Variants in SLC7A7 observed in about 807,000 individuals in gnomAD.
The protein encoded by SLC7A7 is solute carrier family 7 member 7.
SLC7A7 carries 39 observed loss-of-function variants against 47.9 expected under a neutral mutation model. That is an observed-to-expected ratio of 0.81 (90% CI 0.63 to 1.06). SLC7A7 has a LOEUF of 1.06. Ranked by LOEUF, SLC7A7 falls within the 50% of genes least tolerant of loss-of-function variation. The probability of loss-of-function intolerance (pLI) is 0.00; values close to 1 mark genes in which losing one functional copy is unlikely to be tolerated. For synonymous variants in SLC7A7, 234 were observed against 242.8 expected (o/e 0.96, Z 0.34); for missense variants, 588 against 632.0 (o/e 0.93, Z 0.75).
Position 22,773,480 on chromosome 14 carries a change from A to T in SLC7A7, c.*130T>A. On this transcript the variant is annotated 3_prime_UTR_variant, in exon 10 of 10. Transcript: ENST00000674313. ...TTTTCATTTCAAAAAGTAAGTTCAA[A>T]GGTTGAAGCTGCCTAGGCCAGGCTT... 1.3e-6 allele frequency: 1 copy of T among 764,362 alleles called. No homozygotes were observed. Among genetic ancestry groups the T allele is most frequent in the Non-Finnish European group, 2.4e-6 (1 of 424,702 alleles). 47.3% of individuals were successfully genotyped at this position (764,362 alleles called of 1,614,324 possible). A position where few individuals can be genotyped will look rare whatever the true frequency, so the allele number is the denominator to read the frequency against.
intron 9 of SLC7A7, 107 bp from the exon 10 acceptor site, chr14:22,773,823 G>T (rs1333559294): frequency 3.2e-6 from 5 of 1,550,040 alleles, no homozygotes; most frequent in Admixed American, 1.7e-5. Flanking sequence ...TAAGCCGAAG[G>T]GTTCATAAGA....
intron 2 of SLC7A7, among the ~76,000 whole-genome samples, chr14:22,798,066 A>C (rs4982674): frequency 0.79 from 120,140 of 152,066 alleles, 48,073 homozygotes; most frequent in Non-Finnish European, 0.86. Flanking sequence ...GAGGCCGAGG[A>C]AGGTAGATCA....
At chr14:22,793,214 G>A (rs1789063343) in intron 2 of SLC7A7, among the ~76,000 whole-genome samples, 1 of 151,998 alleles carries the variant, frequency 6.6e-6, no homozygotes, top group African/African-American at 2.4e-5. Flanking sequence ...ACCACGCCCA[G>A]CCAATTAAAA....
At chr14:22,788,611 G>T (rs574630821) in intron 2 of SLC7A7, among the ~76,000 whole-genome samples, 183 of 151,630 alleles carry the variant, frequency 1.2e-3, no homozygotes, top group Non-Finnish European at 1.1e-3. Flanking sequence ...GGCTGAGGCA[G>T]GAGAATCGCT....
chr14:22,780,364 G>T, intron 2 of SLC7A7: 1 of 340,130 alleles, frequency 2.9e-6, no homozygotes, highest in Non-Finnish European at 5.6e-6. Flanking sequence ...GAACTGTACA[G>T]GATTAGTGAT....
intron 2 of SLC7A7, among the ~76,000 whole-genome samples, chr14:22,808,256 A>T (rs1413800779): frequency 6.6e-6 from 1 of 152,104 alleles, no homozygotes; most frequent in Admixed American, 6.6e-5. Flanking sequence ...TTAACATGTC[A>T]GTCTCCTTTC....
At position 22,801,902 on chromosome 14, in the gene SLC7A7, G is replaced by C. The variant is rs200852874; in HGVS notation, c.499+10998C>G. Among the ~76,000 whole-genome samples the C allele has an allele frequency of 2.3e-4, 35 of 152,326 alleles. 1 individual carries two copies. The East Asian group carries it at 6.0e-3, about 26-fold the overall frequency. On this transcript the variant is annotated intron_variant, in intron 2 of 9. Transcript: ENST00000674313. ...GCTCCAAAAAGACAATGACAGTGCA[G>C]GGAACGTGGCAACCTCTTCGCAAAT... is the stretch of plus-strand genomic sequence containing the variant.
chr14:22,789,643 A>T (rs1235902235), intron 2 of SLC7A7, among the ~76,000 whole-genome samples: 2 of 151,592 alleles, frequency 1.3e-5, no homozygotes, highest in African/African-American at 4.8e-5. Context: ...AAAAAAAAAA[A>T]AAGAAAAAAG....
At chr14:22,799,424 C>CTT (rs201579992) in intron 2 of SLC7A7, among the ~76,000 whole-genome samples, 8 of 112,276 alleles carry the variant, frequency 7.1e-5, no homozygotes, top group South Asian at 6.1e-4. Context: ...CCTGTGGTTT[C>CTT]TTTTTCTTTT....
chr14:22,787,967 G>A (rs2061407875), intron 2 of SLC7A7, among the ~76,000 whole-genome samples: 1 of 151,704 alleles, frequency 6.6e-6, no homozygotes, highest in African/African-American at 2.4e-5. Context: ...CAGCTACTCG[G>A]GAGGCTGAGG....
chr14:22,791,012 AAAG>A (rs1439915215), intron 2 of SLC7A7, among the ~76,000 whole-genome samples: 2 of 151,992 alleles, frequency 1.3e-5, no homozygotes, highest in African/African-American at 4.8e-5. Context: ...AAAAAAAAAA[AAAG>A]GTCAAATACG....
chr14:22,806,710 A>C (rs1376436446), intron 2 of SLC7A7, among the ~76,000 whole-genome samples: 1 of 152,126 alleles, frequency 6.6e-6, no homozygotes, highest in Non-Finnish European at 1.5e-5. Context: ...CCAAAGCGGC[A>C]AAAGCACAAG....
At chr14:22,779,456 T>G (rs2038675425) in intron 3 of SLC7A7, among the ~76,000 whole-genome samples, 1 of 99,390 alleles carries the variant, frequency 1.0e-5, no homozygotes, top group Non-Finnish European at 2.3e-5. Flanking sequence ...ATTTAATTCT[T>G]TTTTTTTTTT....
At chr14:22,796,996 G>A (rs1370258377) in intron 2 of SLC7A7, among the ~76,000 whole-genome samples, 1 of 152,168 alleles carries the variant, frequency 6.6e-6, no homozygotes, top group East Asian at 1.9e-4. Flanking sequence ...AATATAACTT[G>A]CAGTAATAGA....
At chr14:22,818,218 T>C (rs1423055554), upstream of SLC7A7, among the ~76,000 whole-genome samples, 1 of 150,092 alleles carries the variant, frequency 6.7e-6, no homozygotes, top group Non-Finnish European at 1.5e-5. Flanking sequence ...ATCTGAAAAG[T>C]GAAGTCCTAT....
At chr14:22,776,173 T>C (rs745453664) in intron 5 of SLC7A7, 22 bp downstream of exon 5, 2 of 1,614,102 alleles carry the variant, frequency 1.2e-6, no homozygotes, top group East Asian at 2.2e-5. Flanking sequence ...CCCTCAACCT[T>C]CTGCTAGTGA....
At chr14:22,789,627 CAA>C (rs71115580) in intron 2 of SLC7A7, among the ~76,000 whole-genome samples, 69,175 of 112,158 alleles carry the variant, frequency 0.62, 18,552 homozygotes, top group Middle Eastern at 0.69. Context: ...GACTCTGGCT[CAA>C]AAAAAAAAAA....
At chr14:22,787,802 G>A (rs1008739016) in intron 2 of SLC7A7, among the ~76,000 whole-genome samples, 6 of 143,596 alleles carry the variant, frequency 4.2e-5, no homozygotes, top group Admixed American at 2.8e-4. Context: ...GGCCGGGCAC[G>A]GTGGCTCACG....
At chr14:22,793,689 A>T (rs2038964682) in intron 2 of SLC7A7, among the ~76,000 whole-genome samples, 1 of 151,960 alleles carries the variant, frequency 6.6e-6, no homozygotes, top group Non-Finnish European at 1.5e-5. Flanking sequence ...GGTGGCGTGC[A>T]CCTGTAACCC....
Sources: gnomAD v4.1 joint callset for allele counts (sites outside exome capture counted in the v4.1 genomes callset) on GRCh38, gnomAD v4.1.1 for gene constraint, MANE v1.5 for transcripts, NCBI Gene and HGNC (gene_info 2026-07-23, HGNC 2026-07-21) for gene names.